Variants in NCALD observed in about 807,000 individuals in gnomAD.
NCALD encodes the protein neurocalcin-delta.
In NCALD, 10 loss-of-function variants were observed where a neutral mutation model predicts 18.6. That is an observed-to-expected ratio of 0.54 (90% CI 0.33 to 0.91). The LOEUF (loss-of-function observed/expected upper bound fraction) is 0.91. NCALD is among the 40% of genes least tolerant of loss of function. NCALD has a pLI of 0.03. For missense variants in NCALD, 184 were observed against 247.6 expected (o/e 0.74, Z 1.72); for synonymous variants, 88 against 87.4 (o/e 1.01, Z -0.04).
At chr8:101,695,557 A>G (rs1427508590) in intron 2 of NCALD, among the ~76,000 whole-genome samples, 4 of 151,788 alleles carry the variant, frequency 2.6e-5, no homozygotes, top group African/African-American at 9.7e-5. Flanking sequence ...CACCTACCCC[A>G]TCTCCCCTCC....
intron 4 of NCALD, among the ~76,000 whole-genome samples, chr8:101,856,841 G>C (rs138685036): frequency 2.0e-5 from 3 of 152,214 alleles, no homozygotes; most frequent in Non-Finnish European, 4.4e-5. Flanking sequence ...ATGATGTCCT[G>C]ACTCCTTCTG....
At chr8:101,709,289 A>T (rs1815674690) in intron 2 of NCALD, among the ~76,000 whole-genome samples, 1 of 152,146 alleles carries the variant, frequency 6.6e-6, no homozygotes, top group Non-Finnish European at 1.5e-5. Context: ...TGAAGTGTGA[A>T]TTGGCCTTAT....
chr8:101,783,074 A>G (rs939940719), intron 1 of NCALD, among the ~76,000 whole-genome samples: 10 of 152,214 alleles, frequency 6.6e-5, no homozygotes, highest in African/African-American at 2.4e-4. Context: ...GTCTATGGTA[A>G]GCAAATGAGG....
At chr8:101,831,701 C>A (rs1399107232) in intron 4 of NCALD, among the ~76,000 whole-genome samples, 1 of 152,116 alleles carries the variant, frequency 6.6e-6, no homozygotes, top group Admixed American at 6.5e-5. Flanking sequence ...CCTGTGCCCC[C>A]AGCATCTTCC....
chr8:102,082,297 G>A (rs111835330), intron 1 of NCALD, among the ~76,000 whole-genome samples: 24,151 of 139,168 alleles, frequency 0.17, 2,390 homozygotes, highest in African/African-American at 0.28. Context: ...CAGTGGCGCA[G>A]TCTGGGCTCA....
chr8:101,697,215 G>C (rs948599049), intron 2 of NCALD, among the ~76,000 whole-genome samples: 1 of 151,796 alleles, frequency 6.6e-6, no homozygotes, highest in Non-Finnish European at 1.5e-5. Context: ...TAAATTCCTG[G>C]ACACATACAC....
Position 102,123,830 on chromosome 8 carries a change from C to G in NCALD, c.-210+407G>C, listed in dbSNP as rs1312109863. 5.2e-5 allele frequency: 8 copies of G among 152,558 alleles called. No individual in the cohort carries two copies. The East Asian group carries it at 1.6e-3, about 30-fold the overall frequency. The allele number at this position is 152,558 out of a possible 1,614,324, so 9.5% of individuals were successfully genotyped here. ...GGTGCCCCGGCCCCCGGCCCCGGCC[C>G]CGGCCCCCGGGGCGGGATGCTCCAG... On this transcript the variant is annotated intron_variant, in intron 1 of 6. Transcript: ENST00000311028.
intron 1 of NCALD, among the ~76,000 whole-genome samples, chr8:102,047,447 G>A (rs976120173): frequency 6.6e-6 from 1 of 152,146 alleles, no homozygotes; most frequent in Admixed American, 6.5e-5. Context: ...TATTTTCACC[G>A]CCTGGTATGG....
intron 1 of NCALD, among the ~76,000 whole-genome samples, chr8:101,779,405 A>T (rs925431300): frequency 1.3e-5 from 2 of 152,212 alleles, no homozygotes; most frequent in African/African-American, 4.8e-5. Context: ...TATGTACTGA[A>T]GATTTTAGTT....
chr8:101,773,277 C>A (rs1360259500), intron 1 of NCALD, among the ~76,000 whole-genome samples: 4 of 152,142 alleles, frequency 2.6e-5, no homozygotes, highest in African/African-American at 7.2e-5. Context: ...CTCAGCTGCA[C>A]CCCTCCCTCA....
chr8:101,963,179 C>T (rs1354979748), intron 2 of NCALD, among the ~76,000 whole-genome samples: 1 of 152,182 alleles, frequency 6.6e-6, no homozygotes, highest in Non-Finnish European at 1.5e-5. Context: ...AAGGAAACCT[C>T]TTTTCAAGTC....
rs370414875 is a variant in NCALD, at chr8:101,849,677, A to G, written c.-20+37464T>C. 6.2e-4 allele frequency among the ~76,000 whole-genome samples: 95 copies of G among 152,268 alleles called. 2 individuals are homozygous for G. In the South Asian group the frequency reaches 0.019, roughly 31 times the overall value. On this transcript the variant is annotated intron_variant, in intron 4 of 6. Coordinates refer to the NCALD transcript ENST00000311028. ...TAGGAACGGAAGTCTCCTGCATTCTAATCTTTCTAAAATTAGCCAACTGTG... is the reference window on the plus strand; with the variant it reads ...TAGGAACGGAAGTCTCCTGCATTCTGATCTTTCTAAAATTAGCCAACTGTG...
chr8:101,820,424 G>A (rs538867603), intron 4 of NCALD, among the ~76,000 whole-genome samples: 1 of 152,176 alleles, frequency 6.6e-6, no homozygotes, highest in South Asian at 2.1e-4. Context: ...ATAAATAAAC[G>A]AGTAGATGAA....
chr8:102,103,336 T>C (rs1487900798), intron 1 of NCALD, among the ~76,000 whole-genome samples: 1 of 152,172 alleles, frequency 6.6e-6, no homozygotes, highest in Non-Finnish European at 1.5e-5. Context: ...AATAGTTTTA[T>C]ATAATTTCCC....
intron 1 of NCALD, among the ~76,000 whole-genome samples, chr8:102,117,827 G>A (rs905342902): frequency 3.3e-5 from 5 of 152,184 alleles, no homozygotes; most frequent in African/African-American, 1.2e-4. Context: ...AGCCAAGTTT[G>A]TACACATCAG....
chr8:102,062,990 T>G (rs767051885), intron 1 of NCALD, among the ~76,000 whole-genome samples: 4 of 152,178 alleles, frequency 2.6e-5, no homozygotes, highest in Non-Finnish European at 4.4e-5. Flanking sequence ...CTCAAGGACC[T>G]CCAGGGTTGA....
At chr8:101,868,074 C>G (rs1364450999) in intron 4 of NCALD, among the ~76,000 whole-genome samples, 3 of 152,146 alleles carry the variant, frequency 2.0e-5, no homozygotes, top group African/African-American at 7.2e-5. Flanking sequence ...TTTCTACTGC[C>G]TCCTTTATTA....
intron 1 of NCALD, among the ~76,000 whole-genome samples, chr8:101,738,284 C>G (rs1003089261): frequency 1.3e-5 from 2 of 152,172 alleles, no homozygotes; most frequent in Non-Finnish European, 2.9e-5. Flanking sequence ...TGGCTCCTGC[C>G]TGTAATCCCA....
chr8:102,076,147 A>AAAAT (rs1824339746), intron 1 of NCALD, among the ~76,000 whole-genome samples: 4 of 152,158 alleles, frequency 2.6e-5, no homozygotes, highest in Non-Finnish European at 4.4e-5. Flanking sequence ...AAAGACCAAA[A>AAAAT]AGGAATAAAA....
Sources: allele counts gnomAD v4.1 joint callset (sites outside exome capture counted in the v4.1 genomes callset), GRCh38; gene constraint gnomAD v4.1.1; transcripts MANE v1.5; gene names NCBI Gene and HGNC (gene_info 2026-07-23, HGNC 2026-07-21).